The following VRK2 variants were observed in gnomAD, a reference collection of about 807,000 sequenced individuals.
The protein encoded by VRK2 is VRK serine/threonine kinase 2, also known as serine/threonine-protein kinase VRK2.
A neutral mutation model predicts 57.6 loss-of-function variants in VRK2; 60 were observed. That is an observed-to-expected ratio of 1.04 (90% confidence interval 0.85 to 1.29). The LOEUF is 1.29. VRK2 is among the 50% of genes most tolerant of loss of function. The pLI is 0.00. For synonymous variants in VRK2, 231 were observed against 199.2 expected, an observed-to-expected ratio of 1.16 and a Z score of -1.35; for missense variants, 705 against 588.1, an observed-to-expected ratio of 1.20 and a Z score of -2.06.
At chr2:58,020,099 CAATT>C (rs1347619612) in intron 1 of VRK2, among the ~76,000 whole-genome samples, 3 of 152,292 alleles carry the variant, frequency 2.0e-5, no homozygotes, top group East Asian at 1.9e-4. Context: ...AATTAAGTGA[CAATT>C]AACAGATCTG....
intron 8 of VRK2, among the ~76,000 whole-genome samples, chr2:58,125,033 C>G (rs1243527267): frequency 6.6e-6 from 1 of 152,022 alleles, no homozygotes; most frequent in East Asian, 1.9e-4. Flanking sequence ...TCTGTTACAC[C>G]TAATAGAATT....
intron 1 of VRK2, among the ~76,000 whole-genome samples, chr2:57,977,549 C>T (rs753642352): frequency 6.6e-6 from 1 of 151,224 alleles, no homozygotes; most frequent in African/African-American, 2.5e-5. Context: ...GAAATGCTAC[C>T]GATTTTTGTA....
intron 1 of VRK2, among the ~76,000 whole-genome samples, chr2:58,021,275 C>T (rs1443312444): frequency 2.0e-5 from 3 of 151,962 alleles, no homozygotes; most frequent in Non-Finnish European, 1.5e-5. Flanking sequence ...TCCAAGCTCA[C>T]AGATTGTTCC....
At chr2:57,964,106 C>T (rs867465369) in intron 1 of VRK2, among the ~76,000 whole-genome samples, 15 of 152,064 alleles carry the variant, frequency 9.9e-5, no homozygotes, top group African/African-American at 3.4e-4. Context: ...TCCCCTCTCC[C>T]CCAACACAGC....
chr2:57,910,428 C>T (rs1669950660), intron 1 of VRK2, among the ~76,000 whole-genome samples: 1 of 152,086 alleles, frequency 6.6e-6, no homozygotes, highest in African/African-American at 2.4e-5. Context: ...ACTTTCATAC[C>T]CCAGTCTCTT....
intron 1 of VRK2, among the ~76,000 whole-genome samples, chr2:57,993,482 A>T (rs1672833434): frequency 7.3e-6 from 1 of 137,264 alleles, no homozygotes; most frequent in Non-Finnish European, 1.6e-5. Flanking sequence ...GCTCTGCTTT[A>T]AAAAAAAAAA....
chr2:58,058,408 G>A (rs1011382083), intron 2 of VRK2: 8 of 470,078 alleles, frequency 1.7e-5, no homozygotes, highest in Non-Finnish European at 2.6e-5. Flanking sequence ...GCAGCTTCCC[G>A]CAAATTTATT....
At chr2:58,069,826 A>AT (rs1478265220) in intron 2 of VRK2, among the ~76,000 whole-genome samples, 1 of 152,140 alleles carries the variant, frequency 6.6e-6, no homozygotes, top group African/African-American at 2.4e-5. Flanking sequence ...CTACTGGGGC[A>AT]TTTTTTGTTT....
chr2:58,080,307 C>G (rs1670678243), intron 2 of VRK2, among the ~76,000 whole-genome samples: 1 of 151,656 alleles, frequency 6.6e-6, no homozygotes, highest in Admixed American at 6.6e-5. Flanking sequence ...AAAATATGGA[C>G]AGTTTAAAAA....
intron 1 of VRK2, among the ~76,000 whole-genome samples, chr2:57,950,503 C>A (rs968796413): frequency 1.3e-5 from 2 of 152,196 alleles, no homozygotes; most frequent in Non-Finnish European, 2.9e-5. Flanking sequence ...ACTATTGAGA[C>A]CCACTGCTTA....
intron 10 of VRK2, 95 bp from the exon 11 acceptor site, chr2:58,139,571 G>T (rs1681027808): frequency 4.5e-6 from 5 of 1,122,806 alleles, no homozygotes; most frequent in Admixed American, 2.4e-5. Flanking sequence ...ATGTAAATGT[G>T]TAAAAGACAA....
chr2:58,020,654 C>G (rs1673726371), intron 1 of VRK2, among the ~76,000 whole-genome samples: 1 of 152,220 alleles, frequency 6.6e-6, no homozygotes, highest in Non-Finnish European at 1.5e-5. Context: ...TCCAGACAGG[C>G]TCATAAGAAA....
chr2:58,086,242 T>A, intron 4 of VRK2, 97 bp from the exon 5 acceptor site: 4 of 1,031,356 alleles, frequency 3.9e-6, no homozygotes, highest in Non-Finnish European at 5.8e-6. Context: ...AAGATCTAAT[T>A]ACTTTTTTGG....
intron 12 of VRK2, among the ~76,000 whole-genome samples, chr2:58,158,705 A>AACAGGAATGATGAAAACAT (rs1684429769): frequency 6.6e-6 from 1 of 152,220 alleles, no homozygotes; most frequent in Admixed American, 6.5e-5. Flanking sequence ...GACTTTGGCC[A>AACAGGAATGATGAAAACAT]ACAGGAATGA....
At chr2:57,960,621 G>A (rs1390353851) in intron 1 of VRK2, among the ~76,000 whole-genome samples, 2 of 152,148 alleles carry the variant, frequency 1.3e-5, no homozygotes, top group Non-Finnish European at 1.5e-5. Context: ...GGTTCATGGC[G>A]TTCAGGTTCC....
chr2:58,047,271 G>T, intron 1 of VRK2: 1 of 352,568 alleles, frequency 2.8e-6, no homozygotes, highest in Non-Finnish European at 4.0e-6. Flanking sequence ...CCTTCCGCAG[G>T]GTCAGGGGCC....
intron 3 of VRK2, among the ~76,000 whole-genome samples, chr2:58,035,449 A>G (rs900411667): frequency 6.6e-6 from 1 of 151,760 alleles, no homozygotes; most frequent in Non-Finnish European, 1.5e-5. Flanking sequence ...TACATTAAAA[A>G]CTCAAGAGTA....
At chr2:57,987,841 T>G (rs1021513705) in intron 1 of VRK2, among the ~76,000 whole-genome samples, 5 of 152,192 alleles carry the variant, frequency 3.3e-5, no homozygotes, top group Non-Finnish European at 4.4e-5. Context: ...TCCTGATACA[T>G]GTAATGACAT....
At chr2:58,037,288 A>G (rs1250554208) in intron 3 of VRK2, among the ~76,000 whole-genome samples, 1 of 152,070 alleles carries the variant, frequency 6.6e-6, no homozygotes, top group Non-Finnish European at 1.5e-5. Context: ...CTTCCGTGCT[A>G]CACAGCCAAG....
Sources: gnomAD v4.1 joint callset for allele counts (sites outside exome capture counted in the v4.1 genomes callset) on GRCh38, gnomAD v4.1.1 for gene constraint, MANE v1.5 for transcripts, NCBI Gene and HGNC (gene_info 2026-07-23, HGNC 2026-07-21) for gene names.